Variants in CTNNAL1 observed in about 807,000 individuals in gnomAD.
The protein encoded by CTNNAL1 is alpha-catulin.
In CTNNAL1, 69 loss-of-function variants were observed where a neutral mutation model predicts 93.6. The ratio of observed to expected loss-of-function variants is 0.74; its 90% CI spans 0.61 to 0.90. CTNNAL1 has a LOEUF of 0.90. Among genes scored for constraint, CTNNAL1 ranks in the 40% least tolerant of loss-of-function variants. CTNNAL1 has a pLI of 0.00. For missense variants in CTNNAL1, 836 were observed against 862.0 expected, an observed-to-expected ratio of 0.97 and a Z score of 0.38; for synonymous variants, 286 against 305.4, an observed-to-expected ratio of 0.94 and a Z score of 0.66.
intron 10 of CTNNAL1, 111 bp from the exon 11 acceptor site, chr9:108,965,639 T>C (rs1830933116): frequency 1.9e-6 from 1 of 515,726 alleles, no homozygotes; most frequent in Non-Finnish European, 3.2e-6. Flanking sequence ...AATAAACAAC[T>C]ATGAAGTAAT....
chr9:109,003,596 A>T (rs1264458183), intron 1 of CTNNAL1, among the ~76,000 whole-genome samples: 2 of 152,178 alleles, frequency 1.3e-5, no homozygotes, highest in Non-Finnish European at 2.9e-5. Flanking sequence ...GAATACCATA[A>T]ACCAGTGGCT....
chr9:108,964,949 G>A (rs565376320), intron 11 of CTNNAL1, among the ~76,000 whole-genome samples: 305 of 152,054 alleles, frequency 2.0e-3, no homozygotes, highest in Non-Finnish European at 3.9e-3. Context: ...TGCAACCTCC[G>A]CCTCCCGGGT....
At chr9:109,001,748 T>C (rs1826837201) in intron 1 of CTNNAL1, among the ~76,000 whole-genome samples, 1 of 152,210 alleles carries the variant, frequency 6.6e-6, no homozygotes, top group Non-Finnish European at 1.5e-5. Context: ...AGTCAAGCCT[T>C]TGGATTACTG....
At chr9:109,006,830 C>T (rs553630180) in intron 1 of CTNNAL1, among the ~76,000 whole-genome samples, 1 of 152,324 alleles carries the variant, frequency 6.6e-6, no homozygotes, top group South Asian at 2.1e-4. Context: ...ATCATTCTGC[C>T]TGGTTTTGAA....
intron 10 of CTNNAL1, among the ~76,000 whole-genome samples, chr9:108,967,617 G>A (rs1330269004): frequency 6.6e-6 from 1 of 152,182 alleles, no homozygotes; most frequent in African/African-American, 2.4e-5. Context: ...TGAGAATGAT[G>A]GAGGGGATTA....
chr9:109,006,724 AAAG>A (rs1827037978), intron 1 of CTNNAL1, among the ~76,000 whole-genome samples: 1 of 152,202 alleles, frequency 6.6e-6, no homozygotes, highest in African/African-American at 2.4e-5. Flanking sequence ...CTGTGGAATA[AAAG>A]AATAAGAATT....
intron 1 of CTNNAL1, among the ~76,000 whole-genome samples, chr9:109,003,337 C>A (rs375963629): frequency 2.0e-5 from 3 of 152,130 alleles, no homozygotes; most frequent in African/African-American, 4.8e-5. Context: ...TTAAGATAAT[C>A]GTATTGGCAG....
intron 8 of CTNNAL1, 31 bp from the exon 9 acceptor site, chr9:108,972,864 G>GGGGGGCC: frequency 9.1e-5 from 13 of 142,504 alleles, no homozygotes; most frequent in South Asian, 1.2e-4. Flanking sequence ...GGGGGGGTGG[G>GGGGGGCC]AGGGTGGAGA....
chr9:108,965,425 A>G lies in CTNNAL1; in HGVS notation c.1544T>C (p.Met515Thr). ...ATTGATTTCTCTCAGCAGTGTTGACATGTCACTAATTTGGGATTCCCAAGC... is the reference window on the plus strand; with the variant it reads ...ATTGATTTCTCTCAGCAGTGTTGACGTGTCACTAATTTGGGATTCCCAAGC... ...CEAWESQISD[M>T]STLLREINDV... is the part of the protein sequence containing the mutation. Residue 515 changes from methionine (M) to threonine (T), a missense_variant, in exon 11 of 19, where the codon ATG becomes ACG. Physicochemically the swap from Met to Thr is moderately conservative, Grantham distance 81. Transcript: ENST00000325551. The G allele has an allele frequency of 6.3e-7, 1 of 1,594,284 alleles. No homozygotes were observed. Among genetic ancestry groups the G allele is most frequent in the Non-Finnish European group, 8.5e-7 (1 of 1,171,056 alleles).
intron 12 of CTNNAL1, among the ~76,000 whole-genome samples, chr9:108,954,612 C>G (rs1010146468): frequency 1.3e-5 from 2 of 152,162 alleles, no homozygotes; most frequent in African/African-American, 4.8e-5. Flanking sequence ...TTTGTACTTT[C>G]AAACTGTTCT....
chr9:109,008,277 C>G (rs1398977592), intron 1 of CTNNAL1, among the ~76,000 whole-genome samples: 1 of 151,670 alleles, frequency 6.6e-6, no homozygotes. Context: ...TCTGCCCCAG[C>G]CTCCCAAGTA....
chr9:108,986,469 A>T (rs1193093111), intron 4 of CTNNAL1, among the ~76,000 whole-genome samples: 1 of 151,828 alleles, frequency 6.6e-6, no homozygotes, highest in Non-Finnish European at 1.5e-5. Flanking sequence ...GCTATTGTGA[A>T]TAGTGCCACA....
intron 14 of CTNNAL1, among the ~76,000 whole-genome samples, chr9:108,951,852 G>GT (rs1182124559): frequency 4.6e-5 from 7 of 152,156 alleles, no homozygotes; most frequent in Admixed American, 4.6e-4. Flanking sequence ...ATCTTCATCT[G>GT]TATCTAGTCA....
intron 2 of CTNNAL1, among the ~76,000 whole-genome samples, chr9:108,994,676 C>T (rs1831948596): frequency 6.6e-6 from 1 of 152,186 alleles, no homozygotes; most frequent in Non-Finnish European, 1.5e-5. Context: ...TTCAAGATCG[C>T]TCCCCATGAT....
chr9:108,955,848 T>C, intron 11 of CTNNAL1, 21 bp from the exon 12 acceptor site: 1 of 1,512,028 alleles, frequency 6.6e-7, no homozygotes, highest in East Asian at 2.4e-5. Context: ...CACATATAAC[T>C]TAAAAAATTT....
At position 108,952,523 on chromosome 9, in the gene CTNNAL1, T is replaced by C. The variant is rs765524419; in HGVS notation, c.1630-29A>G. 5 of 1,613,034 alleles carry C rather than the reference T, an allele frequency of 3.1e-6. No individual in the cohort carries two copies. In the African/African-American group the frequency reaches 6.7e-5, roughly 22 times the overall value. ...TGACAATAAAAAGATTAAGATTATCTTAAAAAGCAGTACATTAAACTGTAA... is the reference window on the plus strand; with the variant it reads ...TGACAATAAAAAGATTAAGATTATCCTAAAAAGCAGTACATTAAACTGTAA... On this transcript the variant is annotated intron_variant, in intron 12 of 18. Transcript: ENST00000325551.
At chr9:108,943,670 G>T (rs180957286) in intron 17 of CTNNAL1, 33 bp downstream of exon 17, 3 of 1,565,770 alleles carry the variant, frequency 1.9e-6, no homozygotes, top group Non-Finnish European at 1.7e-6. Flanking sequence ...GATAAAGATA[G>T]ATGTGTGAAA....
intron 11 of CTNNAL1, among the ~76,000 whole-genome samples, chr9:108,961,352 A>C (rs1830817198): frequency 6.6e-6 from 1 of 152,214 alleles, no homozygotes; most frequent in Non-Finnish European, 1.5e-5. Context: ...CCAGAGATGG[A>C]CTTCTTTGAG....
chr9:108,952,640 C>T, intron 12 of CTNNAL1, 146 bp from the exon 13 acceptor site: 1 of 1,038,566 alleles, frequency 9.6e-7, no homozygotes, highest in Non-Finnish European at 1.4e-6. Flanking sequence ...TTACCAATTG[C>T]AAGTACTCTA....
Sources: gnomAD v4.1 joint callset for allele counts (sites outside exome capture counted in the v4.1 genomes callset) on GRCh38, gnomAD v4.1.1 for gene constraint, MANE v1.5 for transcripts, NCBI Gene and HGNC (gene_info 2026-07-23, HGNC 2026-07-21) for gene names.